The following TBC1D2B variants were observed in gnomAD, a reference collection of about 807,000 sequenced individuals.
TBC1D2B encodes TBC1 domain family, member 2B.
A neutral mutation model predicts 100.8 loss-of-function variants in TBC1D2B; 64 were observed. The observed-to-expected ratio is 0.64, with a 90% confidence interval of 0.52 to 0.78. The LOEUF (loss-of-function observed/expected upper bound fraction) is 0.78. Among genes scored for constraint, TBC1D2B ranks in the 30% least tolerant of loss-of-function variants. The pLI, the probability that TBC1D2B is intolerant of heterozygous loss-of-function variation, is 0.00. For synonymous variants in TBC1D2B, 480 were observed against 479.7 expected, an observed-to-expected ratio of 1.00 and a Z score of -0.01; for missense variants, 1,052 against 1,218.4, an observed-to-expected ratio of 0.86 and a Z score of 2.03.
rs1326240967 is a variant in TBC1D2B, at chr15:77,998,136, G to A, written c.*24C>T. 4.7e-6 allele frequency: 7 copies of A among 1,487,668 alleles called. No homozygotes were observed. Among genetic ancestry groups the A allele is most frequent in the East Asian group, 2.6e-5 (1 of 38,258 alleles). The allele number at this position is 1,487,668 out of a possible 1,614,324, so 92.2% of individuals were successfully genotyped here. On this transcript the variant is annotated 3_prime_UTR_variant, in exon 13 of 13. Coordinates refer to ENST00000300584, the MANE Select transcript of TBC1D2B (RefSeq NM_144572.2). ...TGGGCACACTTTGGTTGTGAAGGAA[G>A]GAAGAGCAGCATCCCGAGCCCACTC...
intron 2 of TBC1D2B, among the ~76,000 whole-genome samples, chr15:78,053,165 C>CA (rs1234065344): frequency 6.6e-6 from 1 of 152,200 alleles, no homozygotes; most frequent in African/African-American, 2.4e-5. Flanking sequence ...CTTGGTGGGA[C>CA]AGGCAACTCG....
Position 78,025,266 on chromosome 15 carries a change from C to G in TBC1D2B, c.1079G>C (p.Ser360Thr). The change falls in exon 5 of 13, where the codon AGT becomes ACT. Residue 360 changes from serine (S) to threonine (T), a missense_variant. Ser to Thr is a moderately conservative substitution (Grantham distance 58, BLOSUM62 1). This residue lies in a region of TBC1D2B where 627 missense variants were observed against 646.1 expected (regional missense o/e 0.97). Coordinates refer to ENST00000300584, the MANE Select transcript of TBC1D2B (RefSeq NM_144572.2). ...ELEQLKKDLS[S>T]QKELVRLLQQ... ...GCCAGAAGAAGAAGTTACCTTCTGA[C>G]TGGACAGGTCTTTCTTTAACTGTTC... 6.2e-7 allele frequency: 1 copy of G among 1,613,296 alleles called. No individual in the cohort carries two copies. Among genetic ancestry groups the G allele is most frequent in the South Asian group, 1.1e-5 (1 of 91,060 alleles).
rs555826935 is a variant in TBC1D2B at position 78,019,930 on chromosome 15, C to T, written c.1471-1973G>A. Among the ~76,000 whole-genome samples, 15 of 151,756 alleles carry T rather than the reference C, an allele frequency of 9.9e-5. No individual in the cohort carries two copies. In the South Asian group the frequency reaches 3.1e-3, roughly 32 times the overall value. On this transcript the variant is annotated intron_variant, in intron 6 of 12. Transcript: ENST00000300584. ...GGGGGGAGACAGGGTCTCACTCTTG[C>T]CCAGGCTGGAGTGCAGTAGCATGGT...
Position 78,001,853 on chromosome 15 carries a change from G to T in TBC1D2B, c.2575-113C>A, listed in dbSNP as rs60331274. ...GGGGACAGGGGGACATGGCTTGCACGGTCCCCGCCCTGGGGAAAGACTATT... is the reference window on the plus strand; with the variant it reads ...GGGGACAGGGGGACATGGCTTGCACTGTCCCCGCCCTGGGGAAAGACTATT... On this transcript the variant is annotated intron_variant, in intron 11 of 12. Coordinates refer to ENST00000300584, the MANE Select transcript of TBC1D2B (RefSeq NM_144572.2). The T allele has an allele frequency of 1.3e-3, 1,593 of 1,238,200 alleles. 24 individuals carry two copies. The African/African-American group carries it at 0.022, about 17-fold the overall frequency. The allele number at this position is 1,238,200 out of a possible 1,614,324, so 76.7% of individuals were successfully genotyped here. A position where few individuals can be genotyped will look rare whatever the true frequency, so the allele number is the denominator to read the frequency against.
At chr15:78,054,640 G>C (rs1046782152) in intron 1 of TBC1D2B, among the ~76,000 whole-genome samples, 2 of 152,260 alleles carry the variant, frequency 1.3e-5, no homozygotes, top group East Asian at 3.9e-4. Flanking sequence ...TTAAAAACGA[G>C]CTGGCACTCC....
At chr15:78,056,210 G>A (rs1349831024) in intron 1 of TBC1D2B, among the ~76,000 whole-genome samples, 1 of 152,208 alleles carries the variant, frequency 6.6e-6, no homozygotes, top group South Asian at 2.1e-4. Context: ...AGGGGAAGCA[G>A]GCAGTGGCCA....
intron 3 of TBC1D2B, among the ~76,000 whole-genome samples, chr15:78,038,938 T>C (rs1470188596): frequency 6.6e-6 from 1 of 152,164 alleles, no homozygotes; most frequent in Non-Finnish European, 1.5e-5. Context: ...TGGGACATAA[T>C]TGCTAAGCAC....
intron 10 of TBC1D2B, 113 bp from the exon 11 acceptor site, chr15:78,003,603 C>T: frequency 1.4e-6 from 1 of 735,726 alleles, no homozygotes; most frequent in Non-Finnish European, 2.3e-6. Context: ...GACAGCAGCA[C>T]AACTGTTCCA....
At position 78,044,881 on chromosome 15, in the gene TBC1D2B, C is replaced by A. The variant is rs763606925; in HGVS notation, c.683+19G>T. ...AACAACCCATTTTCAATTTCATATG[C>A]TGCTTTCTAAAGACTCACTTGAGCT... is the stretch of plus-strand genomic sequence containing the variant. On this transcript the variant is annotated intron_variant, in intron 3 of 12. Transcript: ENST00000300584. The A allele has an allele frequency of 6.3e-7, 1 of 1,575,524 alleles. No homozygotes were observed. The highest frequency in any genetic ancestry group is 1.2e-5 in the South Asian group (1 of 86,826).
chr15:78,035,047 G>A (rs1402407588), intron 3 of TBC1D2B, among the ~76,000 whole-genome samples: 2 of 152,138 alleles, frequency 1.3e-5, no homozygotes, highest in Admixed American at 6.5e-5. Flanking sequence ...TTTAAAGACC[G>A]CAGTCTCATT....
chr15:78,058,797 A>G (rs1221662045), intron 1 of TBC1D2B, among the ~76,000 whole-genome samples: 12 of 152,302 alleles, frequency 7.9e-5, no homozygotes, highest in Non-Finnish European at 1.2e-4. Context: ...CTCATGCTAG[A>G]AGAAACAGTG....
chr15:78,061,419 A>T (rs1049358143), intron 1 of TBC1D2B, among the ~76,000 whole-genome samples: 5 of 151,698 alleles, frequency 3.3e-5, no homozygotes, highest in Non-Finnish European at 7.4e-5. Context: ...CAAAAAGTAC[A>T]AAAATTAGCC....
intron 12 of TBC1D2B, chr15:77,998,600 G>A (rs1167217247): frequency 8.4e-6 from 4 of 474,290 alleles, no homozygotes; most frequent in Non-Finnish European, 1.5e-5. Context: ...CTGTGTGACT[G>A]AAGTCACCCC....
intron 9 of TBC1D2B, 56 bp from the exon 10 acceptor site, chr15:78,009,170 G>T: frequency 7.9e-7 from 1 of 1,270,680 alleles, no homozygotes; most frequent in Non-Finnish European, 1.1e-6. Flanking sequence ...TGCTACTACA[G>T]TCTCCACAGA....
intron 12 of TBC1D2B, 64 bp from the exon 13 acceptor site, chr15:77,998,419 C>G: frequency 1.4e-6 from 2 of 1,445,186 alleles, no homozygotes; most frequent in South Asian, 2.7e-5. Context: ...CACACACAGC[C>G]CTCACAGGCA....
chr15:77,996,210 CGGGCCCCTGGTCA>C lies in TBC1D2B; in HGVS notation c.*1937_*1949del, dbSNP rs1459661742. ...ATACCACCGTGGGTTGCAGCCACGA[CGGGCCCCTGGTCA>C]GGTGCATCTCTCAGGGCAAACTGGA... On this transcript the variant is annotated 3_prime_UTR_variant, in exon 13 of 13. Coordinates refer to ENST00000300584, the MANE Select transcript of TBC1D2B (RefSeq NM_144572.2). 1 of 152,052 alleles carries C rather than the reference CGGGCCCCTGGTCA, an allele frequency of 6.6e-6. No individual in the cohort carries two copies. Among genetic ancestry groups the C allele is most frequent in the African/African-American group, 2.4e-5 (1 of 41,422 alleles). The allele number at this position is 152,052 out of a possible 1,614,324, so 9.4% of individuals were successfully genotyped here.
chr15:78,011,052 A>G (rs2072209733), intron 9 of TBC1D2B, among the ~76,000 whole-genome samples: 1 of 152,172 alleles, frequency 6.6e-6, no homozygotes, highest in Non-Finnish European at 1.5e-5. Context: ...TGAGTATGCA[A>G]TGTGAATGGT....
In TBC1D2B at chr15:78,024,548, C is replaced by CAA; in HGVS notation, c.1087-11_1087-10dup. On this transcript the variant is annotated splice_polypyrimidine_tract_variant and intron_variant, in intron 5 of 12. Coordinates refer to ENST00000300584, the MANE Select transcript of TBC1D2B (RefSeq NM_144572.2). ...AGCAGTCGAACAAGCTCCTGGGAGC[C>CAA]AAAAGGAGAATGGAGTGAAGGGTGA... 6.2e-7 allele frequency: 1 copy of CAA among 1,601,316 alleles called. No individual in the cohort carries two copies.
At chr15:78,032,991 A>G (rs1298617210) in intron 3 of TBC1D2B, among the ~76,000 whole-genome samples, 1 of 152,226 alleles carries the variant, frequency 6.6e-6, no homozygotes, top group Non-Finnish European at 1.5e-5. Flanking sequence ...CCATCAATCC[A>G]CAGACAAAAG....
Sources: allele counts gnomAD v4.1 joint callset (sites outside exome capture counted in the v4.1 genomes callset), GRCh38; gene constraint gnomAD v4.1.1; regional missense constraint gnomAD v4.1.1; transcripts MANE v1.5; gene names NCBI Gene and HGNC (gene_info 2026-07-23, HGNC 2026-07-21).